Variants in RTCA observed in about 807,000 individuals in gnomAD.
RTCA encodes the protein RNA 3'-terminal phosphate cyclase.
Under a neutral mutation model 46.1 loss-of-function variants are expected in RTCA, and 37 were observed. The ratio of observed to expected loss-of-function variants is 0.80; its 90% CI spans 0.62 to 1.06. The LOEUF is 1.06. RTCA is among the 50% of genes least tolerant of loss of function. RTCA has a pLI of 0.00. For missense variants in RTCA, 435 were observed against 455.5 expected (o/e 0.95, Z 0.41); for synonymous variants, 164 against 158.3 (o/e 1.04, Z -0.27).
intron 10 of RTCA, among the ~76,000 whole-genome samples, chr1:100,289,930 A>G (rs886478582): frequency 1.3e-5 from 2 of 152,240 alleles, no homozygotes; most frequent in South Asian, 2.1e-4. Context: ...AGGTTTATGT[A>G]TAGGCTAGAA....
At chr1:100,284,385 A>G (rs967485577) in intron 8 of RTCA, among the ~76,000 whole-genome samples, 10 of 151,738 alleles carry the variant, frequency 6.6e-5, no homozygotes, top group Non-Finnish European at 1.3e-4. Flanking sequence ...CTGACTTTAA[A>G]AAAATTCTTT....
chr1:100,266,802 G>A (rs941661864), intron 2 of RTCA, 178 bp downstream of exon 2: 3 of 587,450 alleles, frequency 5.1e-6, no homozygotes, highest in African/African-American at 3.7e-5. Context: ...AGTCTTGAAA[G>A]CCTGGAGGGG....
At position 100,266,272 on chromosome 1, in the gene RTCA, C is replaced by T. The variant is rs1189347864; in HGVS notation, c.-104C>T. 2.1e-6 allele frequency: 3 copies of T among 1,418,724 alleles called. No individual in the cohort carries two copies. The highest frequency in any genetic ancestry group is 2.2e-5 in the Admixed American group (1 of 45,028). 87.9% of individuals were successfully genotyped at this position (1,418,724 alleles called of 1,614,324 possible). ...TCTCGTCAGGCTCCTGCGCCCCAGGCATGAACCAAGGTTTCTGAACTACTG... is the reference window on the plus strand; with the variant it reads ...TCTCGTCAGGCTCCTGCGCCCCAGGTATGAACCAAGGTTTCTGAACTACTG... On this transcript the variant is annotated 5_prime_UTR_variant, in exon 1 of 11. Transcript: ENST00000370128.
chr1:100,270,715 C>G, intron 4 of RTCA, 35 bp downstream of exon 4: 1 of 1,604,420 alleles, frequency 6.2e-7, no homozygotes, highest in Non-Finnish European at 8.5e-7. Flanking sequence ...CTAAGATGAT[C>G]TCATACATGC....
chr1:100,269,977 G>C (rs1033072895), intron 3 of RTCA, among the ~76,000 whole-genome samples: 3 of 152,106 alleles, frequency 2.0e-5, no homozygotes, highest in Admixed American at 6.6e-5. Context: ...GAGAATGATG[G>C]TTTCCAGCTT....
In RTCA at chr1:100,270,564, T is replaced by A. The variant is rs577571007; in HGVS notation, c.298T>A (p.Cys100Ser). 6 of 1,614,042 alleles carry A rather than the reference T, an allele frequency of 3.7e-6. No individual in the cohort carries two copies. The East Asian group carries it at 1.1e-4, about 30-fold the overall frequency. ...CTTCTGCCTTCTCCTTAGGAGTGTG[T>A]GCCTCTTGATGCAGGTCTCAATGCC... is the stretch of plus-strand genomic sequence containing the variant. ...TADTKTAGSV[C>S]LLMQVSMPCV... Residue 100 changes from cysteine to serine, a missense_variant, in exon 4 of 11, where the codon TGC becomes AGC. Transcript: ENST00000370128.
chr1:100,268,838 A>G (rs1417587898), intron 3 of RTCA, among the ~76,000 whole-genome samples: 2 of 152,094 alleles, frequency 1.3e-5, no homozygotes, highest in Non-Finnish European at 2.9e-5. Flanking sequence ...CTTTCAAACT[A>G]CTTATGAATA....
At chr1:100,269,817 C>G (rs1174830118) in intron 3 of RTCA, among the ~76,000 whole-genome samples, 1 of 152,078 alleles carries the variant, frequency 6.6e-6, no homozygotes, top group Non-Finnish European at 1.5e-5. Flanking sequence ...GGTATTTGTC[C>G]TAGTGCTCTC....
intron 8 of RTCA, among the ~76,000 whole-genome samples, chr1:100,278,126 A>G (rs553752547): frequency 6.6e-6 from 1 of 152,306 alleles, no homozygotes; most frequent in African/African-American, 2.4e-5. Flanking sequence ...TGTCCTGCAG[A>G]TCTGTCTGCC....
chr1:100,267,617 G>A (rs1557971895), intron 2 of RTCA: 11 of 1,420,750 alleles, frequency 7.7e-6, no homozygotes, highest in Admixed American at 2.6e-5. Context: ...TGGTTCCTCT[G>A]TGTACCTTGC....
Position 100,292,412 on chromosome 1 carries a change from C to G in RTCA, c.*908C>G, listed in dbSNP as rs1378255664. 1 of 152,218 alleles carries G rather than the reference C, an allele frequency of 6.6e-6. No homozygotes were observed. The allele number at this position is 152,218 out of a possible 1,614,324, so 9.4% of individuals were successfully genotyped here. A position where few individuals can be genotyped will look rare whatever the true frequency, so the allele number is the denominator to read the frequency against. On this transcript the variant is annotated 3_prime_UTR_variant, in exon 11 of 11. Transcript: ENST00000370128. ...CCGCCTTCCAGGTTGAAGTGATTCT[C>G]CAGCCTCAGCCTCCCGAGTAGCTGG... is the stretch of plus-strand genomic sequence containing the variant.
intron 8 of RTCA, among the ~76,000 whole-genome samples, chr1:100,283,425 G>A (rs1666829916): frequency 6.6e-6 from 1 of 151,534 alleles, no homozygotes; most frequent in Admixed American, 6.6e-5. Flanking sequence ...GCCTCCCAAA[G>A]TGCTGGGATT....
chr1:100,270,772 C>A, intron 4 of RTCA, 92 bp downstream of exon 4: 1 of 1,419,760 alleles, frequency 7.0e-7, no homozygotes, highest in Non-Finnish European at 9.5e-7. Flanking sequence ...TTTTTTGTGA[C>A]TTTCTTGTTT....
rs753491257 is a variant in RTCA at position 100,274,584 on chromosome 1, T to C, written c.474-240T>C. On this transcript the variant is annotated intron_variant, in intron 5 of 10. Transcript: ENST00000370128. Reference sequence around the variant, plus strand: ...AATGTGGCTAGTGCAGCTGGGGAGCTGATTTTTAAATTTTATTTAATTTTA... The same window carrying C: ...AATGTGGCTAGTGCAGCTGGGGAGCCGATTTTTAAATTTTATTTAATTTTA... Among the ~76,000 whole-genome samples the C allele has an allele frequency of 4.4e-4, 67 of 152,222 alleles. 1 individual carries two copies. Among genetic ancestry groups the C allele is most frequent in the Non-Finnish European group, 8.7e-4 (59 of 68,042 alleles).
At chr1:100,276,722 T>C (rs567098620) in intron 7 of RTCA, among the ~76,000 whole-genome samples, 18 of 152,312 alleles carry the variant, frequency 1.2e-4, no homozygotes, top group African/African-American at 4.1e-4. Context: ...TTAGGAGTTA[T>C]AGATTTAAGT....
rs538704448 is a variant in RTCA at position 100,291,683 on chromosome 1, G to A, written c.*179G>A. 61 of 394,996 alleles carry A rather than the reference G, an allele frequency of 1.5e-4. No homozygotes were observed. The highest frequency in any genetic ancestry group is 1.2e-4 in the Non-Finnish European group (27 of 221,670). The allele number at this position is 394,996 out of a possible 1,614,324, so 24.5% of individuals were successfully genotyped here. On this transcript the variant is annotated 3_prime_UTR_variant, in exon 11 of 11. Coordinates refer to ENST00000370128, the MANE Select transcript of RTCA (RefSeq NM_003729.4). ...TAATCTCACTTTGAATATCTCCTGA[G>A]AGATGGACAATGAAATATCAGTTGG...
At position 100,274,983 on chromosome 1, in the gene RTCA, T is replaced by C. The variant is rs760086421; in HGVS notation, c.615+18T>C. ...CATTTAAAGTAAGTTGTTTAGATGT[T>C]CTTAGAAATAAAATATATGTGTGTC... On this transcript the variant is annotated intron_variant, in intron 6 of 10. Coordinates refer to ENST00000370128, the MANE Select transcript of RTCA (RefSeq NM_003729.4). 3 of 1,582,506 alleles carry C rather than the reference T, an allele frequency of 1.9e-6. No homozygotes were observed. Among genetic ancestry groups the C allele is most frequent in the Non-Finnish European group, 2.6e-6 (3 of 1,158,500 alleles).
rs147919398 is a variant in RTCA at position 100,291,808 on chromosome 1, A to G, written c.*304A>G. ...TTTTCTTTTTTATGTAATTAATTAAATCAGGGATATAGATTTGATCTGTAA... is the reference window on the plus strand; with the variant it reads ...TTTTCTTTTTTATGTAATTAATTAAGTCAGGGATATAGATTTGATCTGTAA... On this transcript the variant is annotated 3_prime_UTR_variant, in exon 11 of 11. Coordinates refer to ENST00000370128, the MANE Select transcript of RTCA (RefSeq NM_003729.4). 3.7e-4 allele frequency: 66 copies of G among 176,598 alleles called. 1 individual carries two copies. The highest frequency in any genetic ancestry group is 1.5e-3 in the African/African-American group (64 of 42,436). 10.9% of individuals were successfully genotyped at this position (176,598 alleles called of 1,614,324 possible).
intron 9 of RTCA, 28 bp from the exon 10 acceptor site, chr1:100,287,071 A>G (rs1361872302): frequency 1.4e-6 from 2 of 1,429,594 alleles, no homozygotes; most frequent in Admixed American, 2.4e-5. Flanking sequence ...TAAATGTGTG[A>G]GGTTTTTCTT....
Sources: gnomAD v4.1 joint callset for allele counts (sites outside exome capture counted in the v4.1 genomes callset) on GRCh38, gnomAD v4.1.1 for gene constraint, MANE v1.5 for transcripts, NCBI Gene and HGNC (gene_info 2026-07-23, HGNC 2026-07-21) for gene names.